The following CYP3A43 variants were observed in gnomAD, a reference collection of about 807,000 sequenced individuals.
The protein encoded by CYP3A43 is cytochrome P450 family 3 subfamily A member 43.
In CYP3A43, 45 loss-of-function variants were observed where a neutral mutation model predicts 58.0. The observed-to-expected ratio is 0.78, with a 90% CI of 0.61 to 0.99. CYP3A43 has a LOEUF of 0.99. Ranked by LOEUF, CYP3A43 falls within the 50% of genes least tolerant of loss-of-function variation. CYP3A43 has a pLI of 0.00. For synonymous variants in CYP3A43, 191 were observed against 201.4 expected (o/e 0.95, Z 0.44); for missense variants, 593 against 591.9 (o/e 1.00, Z -0.02).
Position 99,861,664 on chromosome 7 carries a change from G to T in CYP3A43, c.1078G>T (p.Val360Leu). 2 of 1,614,138 alleles carry T rather than the reference G, an allele frequency of 1.2e-6. No homozygotes were observed. The highest frequency in any genetic ancestry group is 1.7e-6 in the Non-Finnish European group (2 of 1,180,022). The change falls in exon 11 of 13, where the codon GTG (valine) becomes TTG (leucine). Residue 360 changes from valine to leucine, a missense_variant. By Grantham distance (32) the Val-to-Leu change is conservative. Coordinates refer to ENST00000354829, the MANE Select transcript of CYP3A43 (RefSeq NM_057095.3). The stretch of plus-strand genomic sequence containing the variant: ...ACAGATGGAGTACCTTGACATGGTG[G>T]TGAATGAAACGCTCAGATTATTCCC... ...LVQMEYLDMV[V>L]NETLRLFPVV...
At position 99,847,493 on chromosome 7, in the gene CYP3A43, A is replaced by G; in HGVS notation, c.324A>G (p.Leu108=). The G allele has an allele frequency of 6.2e-7, 1 of 1,613,886 alleles. No individual in the cohort carries two copies. Among genetic ancestry groups the G allele is most frequent in the Non-Finnish European group, 8.5e-7 (1 of 1,179,880 alleles). The change falls in exon 5 of 13, where the codon TTA becomes TTG. Residue 108 remains leucine (L), a synonymous_variant. Coordinates refer to ENST00000354829, the MANE Select transcript of CYP3A43 (RefSeq NM_057095.3). Reference sequence around the variant, plus strand: ...GCTTCTGCTTTGAACTCAAGCCTTTAGGTCCAATGGGATTTCTGAAAAGTG... The same window carrying G: ...GCTTCTGCTTTGAACTCAAGCCTTTGGGTCCAATGGGATTTCTGAAAAGTG... ...CYSVFTNQMP[L]GPMGFLKSAL...
intron 2 of CYP3A43, 21 bp downstream of exon 2, chr7:99,836,567 C>T: frequency 6.5e-7 from 1 of 1,538,966 alleles, no homozygotes; most frequent in Non-Finnish European, 8.7e-7. Context: ...TTTGAGCTCC[C>T]TCTTTTGCTT....
At chr7:99,836,426 A>C (rs776093525) in intron 1 of CYP3A43, 27 bp from the exon 2 acceptor site, 3 of 1,589,914 alleles carry the variant, frequency 1.9e-6, no homozygotes, top group East Asian at 2.2e-5. Context: ...CAATTTCTGT[A>C]ACCTGGCTTT....
intron 7 of CYP3A43, among the ~76,000 whole-genome samples, chr7:99,854,897 T>C (rs1817912664): frequency 6.6e-6 from 1 of 152,134 alleles, no homozygotes. Flanking sequence ...TTTTTTTTTT[T>C]CTTTCGAGAG....
chr7:99,863,693 G>C lies in CYP3A43; in HGVS notation c.1410G>C (p.Glu470Asp). The change falls in exon 12 of 13, where the codon GAG becomes GAC. Residue 470 changes from glutamate (E) to aspartate (D), a missense_variant. Glu to Asp is a conservative substitution (Grantham distance 45). Transcript: ENST00000354829. ...ACTTCTCCTTCAAACCTTGTAAAGAGACTCAGGTCAGTAAACTTTCTTATA... is the reference window on the plus strand; with the variant it reads ...ACTTCTCCTTCAAACCTTGTAAAGACACTCAGGTCAGTAAACTTTCTTATA... Reference protein sequence around the residue: ...LQNFSFKPCKETQIPLKLDNL... With the variant: ...LQNFSFKPCKDTQIPLKLDNL... The C allele has an allele frequency of 2.5e-6, 4 of 1,586,832 alleles. No homozygotes were observed. The highest frequency in any genetic ancestry group is 3.4e-6 in the Non-Finnish European group (4 of 1,167,456).
chr7:99,857,362 T>G (rs1031756590), intron 9 of CYP3A43, among the ~76,000 whole-genome samples: 2 of 152,192 alleles, frequency 1.3e-5, no homozygotes, highest in African/African-American at 4.8e-5. Flanking sequence ...TGAGAAAACC[T>G]TTAAGACTGT....
chr7:99,847,618 A>T lies in CYP3A43; in HGVS notation c.432+17A>T. On this transcript the variant is annotated intron_variant, in intron 5 of 12. Transcript: ENST00000354829. ...TTCAAGGAAGTAAGAAAATAAGGTGATTTATAATTAGAAACTTAAAGGATG... is the reference window on the plus strand; with the variant it reads ...TTCAAGGAAGTAAGAAAATAAGGTGTTTTATAATTAGAAACTTAAAGGATG... 1 of 1,612,772 alleles carries T rather than the reference A, an allele frequency of 6.2e-7. No individual in the cohort carries two copies. Among genetic ancestry groups the T allele is most frequent in the Non-Finnish European group, 8.5e-7 (1 of 1,179,416 alleles).
chr7:99,849,956 T>C (rs895967784), intron 7 of CYP3A43: 21 of 107,432 alleles, frequency 2.0e-4, no homozygotes, highest in African/African-American at 1.2e-3. Flanking sequence ...TTCCTCACCA[T>C]TTTTTTTTTT....
chr7:99,838,985 T>C (rs1168237952), intron 2 of CYP3A43, 135 bp from the exon 3 acceptor site: 7 of 1,007,954 alleles, frequency 6.9e-6, no homozygotes, highest in Non-Finnish European at 1.0e-5. Flanking sequence ...AAAAAAAAGA[T>C]TCCCTCTAAC....
chr7:99,856,873 A>T lies in CYP3A43; in HGVS notation c.839A>T (p.Asn280Ile). The T allele has an allele frequency of 6.2e-7, 1 of 1,614,006 alleles. No individual in the cohort carries two copies. The highest frequency in any genetic ancestry group is 8.5e-7 in the Non-Finnish European group (1 of 1,179,964). ...DFFQQMIDSQ[N>I]SKETKSHKAL... ...TTTCAACAGATGATCGACTCCCAGAATTCCAAAGAAACAAAGTCCCATAAA... is the reference window on the plus strand; with the variant it reads ...TTTCAACAGATGATCGACTCCCAGATTTCCAAAGAAACAAAGTCCCATAAA... The change falls in exon 9 of 13, where the codon AAT (asparagine) becomes ATT (isoleucine). Residue 280 changes from asparagine (N) to isoleucine (I), a missense_variant. Physicochemically the swap from Asn to Ile is moderately radical, Grantham distance 149. Coordinates refer to ENST00000354829, the MANE Select transcript of CYP3A43 (RefSeq NM_057095.3).
In CYP3A43 at chr7:99,828,039, A is replaced by G. The variant is rs540844577; in HGVS notation, c.-77A>G. 3.4e-4 allele frequency: 415 copies of G among 1,215,360 alleles called. 2 individuals carry two copies. The highest frequency in any genetic ancestry group is 1.9e-4 in the Middle Eastern group (1 of 5,148). The allele number at this position is 1,215,360 out of a possible 1,614,324, so 75.3% of individuals were successfully genotyped here. ...CCTCTGGGCAGAGAAACAAAGCTCT[A>G]TATGCACAGCCCAGCAAAGAGCAGC... On this transcript the variant is annotated 5_prime_UTR_variant, in exon 1 of 13. Transcript: ENST00000354829.
chr7:99,861,529 C>G, intron 10 of CYP3A43, 84 bp from the exon 11 acceptor site: 1 of 1,189,498 alleles, frequency 8.4e-7, no homozygotes, highest in Non-Finnish European at 1.2e-6. Context: ...TCTGGAGCTC[C>G]TAACACTTCA....
intron 10 of CYP3A43, 125 bp from the exon 11 acceptor site, chr7:99,861,488 T>C: frequency 1.2e-6 from 1 of 819,270 alleles, no homozygotes; most frequent in Non-Finnish European, 1.9e-6. Context: ...AATTTATAAA[T>C]GCAACAATCT....
intron 7 of CYP3A43, among the ~76,000 whole-genome samples, chr7:99,850,663 AC>A: frequency 6.6e-6 from 1 of 151,188 alleles, no homozygotes; most frequent in Admixed American, 6.6e-5. Context: ...CAGCCCCAAA[AC>A]CCCCCTCAGC....
At chr7:99,829,968 G>A (rs2151584877) in intron 1 of CYP3A43, among the ~76,000 whole-genome samples, 1 of 152,282 alleles carries the variant, frequency 6.6e-6, no homozygotes, top group Middle Eastern at 3.4e-3. Flanking sequence ...GTTTATGACA[G>A]GGGAAAGTTG....
Position 99,844,215 on chromosome 7 carries a change from A to C in CYP3A43, c.291A>C (p.Glu97Asp). The C allele has an allele frequency of 6.2e-7, 1 of 1,614,022 alleles. No homozygotes were observed. The highest frequency in any genetic ancestry group is 8.5e-7 in the Non-Finnish European group (1 of 1,179,982). Reference sequence around the variant, plus strand: ...TGATCAAAACAGTGTTAGTGAAAGAATGTTACTCTGTCTTCACAAACCAGA... The same window carrying C: ...TGATCAAAACAGTGTTAGTGAAAGACTGTTACTCTGTCTTCACAAACCAGA... ...PDMIKTVLVK[E>D]CYSVFTNQMP... The change falls in exon 4 of 13, where the codon GAA becomes GAC. Residue 97 changes from glutamate (E) to aspartate (D), a missense_variant. By Grantham distance (45) the Glu-to-Asp change is conservative. Coordinates refer to ENST00000354829, the MANE Select transcript of CYP3A43 (RefSeq NM_057095.3).
intron 2 of CYP3A43, among the ~76,000 whole-genome samples, chr7:99,837,392 T>A (rs1253767062): frequency 6.6e-6 from 1 of 151,598 alleles, no homozygotes; most frequent in African/African-American, 2.4e-5. Flanking sequence ...TACCGCTGGA[T>A]AATTTGCACA....
At chr7:99,847,076 A>G (rs1239721278) in intron 4 of CYP3A43, among the ~76,000 whole-genome samples, 3 of 152,140 alleles carry the variant, frequency 2.0e-5, no homozygotes, top group Non-Finnish European at 4.4e-5. Context: ...AGGTGTATTA[A>G]AGACACAGCT....
chr7:99,849,733 TCTC>T (rs746538709), intron 7 of CYP3A43, 39 bp downstream of exon 7: 6 of 1,517,884 alleles, frequency 4.0e-6, no homozygotes, highest in Non-Finnish European at 5.3e-6. Flanking sequence ...TCTCTCTCTC[TCTC>T]ATCTAATTTT....
Sources: gnomAD v4.1 joint callset for allele counts (sites outside exome capture counted in the v4.1 genomes callset) on GRCh38, gnomAD v4.1.1 for gene constraint, MANE v1.5 for transcripts, NCBI Gene and HGNC (gene_info 2026-07-23, HGNC 2026-07-21) for gene names.